The following TMEM117 variants were observed in gnomAD, a reference collection of about 807,000 sequenced individuals.
TMEM117 encodes the protein transmembrane protein 117.
In TMEM117, 27 loss-of-function variants were observed where a neutral mutation model predicts 52.4. That is an observed-to-expected ratio of 0.51 (90% CI 0.38 to 0.71). The LOEUF is 0.71. Among genes scored for constraint, TMEM117 ranks in the 30% least tolerant of loss-of-function variants. The pLI is 0.00. For missense variants in TMEM117, 556 were observed against 630.5 expected, an observed-to-expected ratio of 0.88 and a Z score of 1.26; for synonymous variants, 215 against 206.3, an observed-to-expected ratio of 1.04 and a Z score of -0.36.
chr12:44,027,928 G>A lies in TMEM117; in HGVS notation c.410+83586G>A, dbSNP rs191785334. Among the ~76,000 whole-genome samples, 371 of 152,268 alleles carry A rather than the reference G, an allele frequency of 2.4e-3. 3 individuals are homozygous for A. Among genetic ancestry groups the A allele is most frequent in the African/African-American group, 8.1e-3 (337 of 41,556 alleles). Reference sequence around the variant, plus strand: ...TACTGTCAAAAAGCTGTTTGAGGCCGGGTGCGGTGGCTCACGCCTGTAATC... The same window carrying A: ...TACTGTCAAAAAGCTGTTTGAGGCCAGGTGCGGTGGCTCACGCCTGTAATC... On this transcript the variant is annotated intron_variant, in intron 3 of 7. Coordinates refer to ENST00000266534, the MANE Select transcript of TMEM117 (RefSeq NM_032256.3).
intron 4 of TMEM117, among the ~76,000 whole-genome samples, chr12:44,153,236 T>C (rs1274563537): frequency 6.6e-6 from 1 of 151,994 alleles, no homozygotes; most frequent in East Asian, 1.9e-4. Context: ...TTGCCCAAGG[T>C]GACACAGATA....
At chr12:43,951,532 G>T (rs1365445345) in intron 3 of TMEM117, among the ~76,000 whole-genome samples, 2 of 152,176 alleles carry the variant, frequency 1.3e-5, no homozygotes, top group Non-Finnish European at 2.9e-5. Context: ...CCGCAGTGCA[G>T]CAAAACAGCT....
chr12:44,179,224 A>G (rs974882622), intron 4 of TMEM117, among the ~76,000 whole-genome samples: 25 of 152,230 alleles, frequency 1.6e-4, no homozygotes, highest in African/African-American at 5.5e-4. Flanking sequence ...CTATATATAT[A>G]TATACATAAA....
chr12:43,862,081 G>A (rs1458079044), intron 2 of TMEM117, among the ~76,000 whole-genome samples: 4 of 152,116 alleles, frequency 2.6e-5, no homozygotes, highest in African/African-American at 7.2e-5. Context: ...CAGTTGCTTC[G>A]CTGTCTGCTT....
Position 44,218,243 on chromosome 12 carries a change from A to G in TMEM117, c.608+6856A>G, listed in dbSNP as rs561412406. 3.3e-4 allele frequency among the ~76,000 whole-genome samples: 50 copies of G among 152,140 alleles called. No individual in the cohort carries two copies. The South Asian group carries it at 1.0e-2, about 30-fold the overall frequency. ...CGTCAAAAAAAACAAAAAACAAAAA[A>G]CTAGCAAACCAACTTCAACAGCACA... On this transcript the variant is annotated intron_variant, in intron 5 of 7. Transcript: ENST00000266534.
intron 3 of TMEM117, among the ~76,000 whole-genome samples, chr12:44,016,184 C>T (rs1339640927): frequency 2.0e-5 from 3 of 152,186 alleles, no homozygotes; most frequent in African/African-American, 4.8e-5. Context: ...TCCACTACCT[C>T]TCACTACTGC....
chr12:44,201,891 G>A (rs1313854213), intron 4 of TMEM117, among the ~76,000 whole-genome samples: 3 of 152,024 alleles, frequency 2.0e-5, no homozygotes, highest in Non-Finnish European at 4.4e-5. Flanking sequence ...ATTAAATATA[G>A]TGTAAGAAAG....
chr12:43,890,045 T>C (rs1772649876), intron 2 of TMEM117, among the ~76,000 whole-genome samples: 1 of 152,140 alleles, frequency 6.6e-6, no homozygotes, highest in Non-Finnish European at 1.5e-5. Flanking sequence ...TTGAGATCAG[T>C]CAGCTGACAA....
intron 3 of TMEM117, among the ~76,000 whole-genome samples, chr12:44,027,170 T>TTTTATTTTATTTTATTTTA (rs1946552866): frequency 5.9e-5 from 8 of 135,620 alleles, no homozygotes; most frequent in African/African-American, 2.4e-4. Flanking sequence ...TTTTATTTTA[T>TTTTATTTTATTTTATTTTA]TTTATTTTAT....
At chr12:44,357,367 T>G (rs1951664367) in intron 6 of TMEM117, among the ~76,000 whole-genome samples, 1 of 152,130 alleles carries the variant, frequency 6.6e-6, no homozygotes, top group Non-Finnish European at 1.5e-5. Flanking sequence ...CAATTCTCTT[T>G]GTGTCCCCAG....
intron 2 of TMEM117, among the ~76,000 whole-genome samples, chr12:43,897,976 C>T (rs1012753741): frequency 1.3e-5 from 2 of 151,838 alleles, no homozygotes; most frequent in Admixed American, 6.6e-5. Flanking sequence ...CCCATGGCGT[C>T]GGCTGTCAAG....
intron 1 of TMEM117, among the ~76,000 whole-genome samples, chr12:43,842,959 G>T (rs1943139595): frequency 2.0e-5 from 3 of 152,138 alleles, no homozygotes; most frequent in Admixed American, 2.0e-4. Context: ...CAGCCTCAGA[G>T]ATTCAGATCA....
At chr12:43,826,312 T>C in the TMEM117 span, among the ~76,000 whole-genome samples, 1 of 152,236 alleles carries the variant, frequency 6.6e-6, no homozygotes, top group East Asian at 1.9e-4. Flanking sequence ...TTTAAGTGTT[T>C]CACATGTATT....
chr12:44,152,380 T>C (rs1948750831), intron 4 of TMEM117, among the ~76,000 whole-genome samples: 1 of 112,852 alleles, frequency 8.9e-6, no homozygotes, highest in East Asian at 3.0e-4. Flanking sequence ...ATATATAAAT[T>C]TATATATTTA....
intron 3 of TMEM117, among the ~76,000 whole-genome samples, chr12:44,057,230 G>A (rs929048701): frequency 3.9e-5 from 6 of 152,132 alleles, no homozygotes; most frequent in African/African-American, 1.4e-4. Context: ...TTATGAATAA[G>A]TCATTTATTC....
intron 3 of TMEM117, among the ~76,000 whole-genome samples, chr12:44,089,306 G>T (rs1052639371): frequency 6.6e-6 from 1 of 152,102 alleles, no homozygotes; most frequent in Non-Finnish European, 1.5e-5. Context: ...TACAAAAATG[G>T]TAATATCTTC....
At chr12:43,894,181 A>G (rs775883593) in intron 2 of TMEM117, among the ~76,000 whole-genome samples, 1 of 152,192 alleles carries the variant, frequency 6.6e-6, no homozygotes. Context: ...ACAGGGAGAG[A>G]AGAAATTAAT....
intron 6 of TMEM117, among the ~76,000 whole-genome samples, chr12:44,346,027 T>A (rs1296706561): frequency 6.6e-6 from 1 of 152,106 alleles, no homozygotes; most frequent in Non-Finnish European, 1.5e-5. Flanking sequence ...TTAAACTATA[T>A]CTTTTAAAGT....
chr12:43,833,306 G>A (rs1157999010), upstream of TMEM117, among the ~76,000 whole-genome samples: 1 of 152,202 alleles, frequency 6.6e-6, no homozygotes, highest in Non-Finnish European at 1.5e-5. Flanking sequence ...CACTCATGTA[G>A]TTCAATTGAT....
Sources: gnomAD v4.1 joint callset for allele counts (sites outside exome capture counted in the v4.1 genomes callset) on GRCh38, gnomAD v4.1.1 for gene constraint, MANE v1.5 for transcripts, NCBI Gene and HGNC (gene_info 2026-07-23, HGNC 2026-07-21) for gene names.